THOP1: variants seen among roughly 807,000 people sequenced by gnomAD.
The protein encoded by THOP1 is thimet oligopeptidase 1.
Under a neutral mutation model 71.8 loss-of-function variants are expected in THOP1, and 49 were observed. That is an observed-to-expected ratio of 0.68 (90% CI 0.54 to 0.87). THOP1 has a LOEUF of 0.87. Among genes scored for constraint, THOP1 ranks in the 40% least tolerant of loss-of-function variants. The pLI, the probability that THOP1 is intolerant of heterozygous loss-of-function variation, is 0.00. For synonymous variants in THOP1, 426 were observed against 421.5 expected, an observed-to-expected ratio of 1.01 and a Z score of -0.13; for missense variants, 843 against 975.6, an observed-to-expected ratio of 0.86 and a Z score of 1.81.
chr19:2,815,600 CGGGGGCTTTGATCACAGGGA>C lies in THOP1; in HGVS notation c.*2332_*2351del, dbSNP rs1916584156. The C allele has an allele frequency of 6.6e-6, 1 of 152,542 alleles. No homozygotes were observed. The highest frequency in any genetic ancestry group is 1.5e-5 in the Non-Finnish European group (1 of 68,342). The allele number at this position is 152,542 out of a possible 1,614,324, so 9.4% of individuals were successfully genotyped here. A position where few individuals can be genotyped will look rare whatever the true frequency, so the allele number is the denominator to read the frequency against. On this transcript the variant is annotated 3_prime_UTR_variant, in exon 13 of 13. Transcript: ENST00000307741. ...TTTCCCCAAACACTCCAGGACAGAGCGGGGGCTTTGATCACAGGGAGGGGGCTGCAGAGCTGCTGTGTCTC... is the reference window on the plus strand; with the variant it reads ...TTTCCCCAAACACTCCAGGACAGAGCGGGGGCTGCAGAGCTGCTGTGTCTC...
intron 4 of THOP1, among the ~76,000 whole-genome samples, chr19:2,797,420 C>A (rs542540753): frequency 3.3e-4 from 50 of 152,302 alleles, no homozygotes; most frequent in African/African-American, 1.2e-3. Context: ...CAGTAGAAAC[C>A]GTGCTTGGAA....
At position 2,810,969 on chromosome 19, in the gene THOP1, G is replaced by A. The variant is rs1437947714; in HGVS notation, c.1771+201G>A. On this transcript the variant is annotated intron_variant, in intron 11 of 12. Coordinates refer to ENST00000307741, the MANE Select transcript of THOP1 (RefSeq NM_003249.5). The stretch of plus-strand genomic sequence containing the variant: ...GGCCCAGGGTCGGGGACGGGTGTGC[G>A]GCCCCAGCCCCCAGGAGGAGTGTGT... Among the ~76,000 whole-genome samples the A allele has an allele frequency of 3.3e-5, 5 of 152,336 alleles. No individual in the cohort carries two copies. The South Asian group carries it at 8.3e-4, about 25-fold the overall frequency.
At chr19:2,810,880 C>T in intron 11 of THOP1, 112 bp downstream of exon 11, 1 of 1,448,948 alleles carries the variant, frequency 6.9e-7, no homozygotes, top group Non-Finnish European at 9.1e-7. Context: ...GGAGTCCCTG[C>T]TGGGGAGCCA....
Position 2,812,689 on chromosome 19 carries a change from C to T in THOP1, c.1909-426C>T, listed in dbSNP as rs373644478. Among the ~76,000 whole-genome samples, 13 of 152,312 alleles carry T rather than the reference C, an allele frequency of 8.5e-5. No individual in the cohort carries two copies. The South Asian group carries it at 1.7e-3, about 19-fold the overall frequency. On this transcript the variant is annotated intron_variant, in intron 12 of 12. Transcript: ENST00000307741. ...TCGGGGTCTCCTTGGTGGCTGGCACCGGCGCCTCGCAGTCTCATCTGCCTC... is the reference window on the plus strand; with the variant it reads ...TCGGGGTCTCCTTGGTGGCTGGCACTGGCGCCTCGCAGTCTCATCTGCCTC...
At position 2,793,360 on chromosome 19, in the gene THOP1, G is replaced by A. The variant is rs928125175; in HGVS notation, c.230-1404G>A. On this transcript the variant is annotated intron_variant, in intron 2 of 12. Coordinates refer to ENST00000307741, the MANE Select transcript of THOP1 (RefSeq NM_003249.5). ...CCCTGGCACCCACGCGTCCCCTCCTGTCTCTGTGGATGGGCCTGTCCTGGA... is the reference window on the plus strand; with the variant it reads ...CCCTGGCACCCACGCGTCCCCTCCTATCTCTGTGGATGGGCCTGTCCTGGA... Among the ~76,000 whole-genome samples the A allele has an allele frequency of 1.5e-4, 23 of 152,048 alleles. 1 individual carries two copies. Among genetic ancestry groups the A allele is most frequent in the Admixed American group, 7.2e-4 (11 of 15,262 alleles).
intron 4 of THOP1, among the ~76,000 whole-genome samples, chr19:2,798,100 C>G (rs1285331296): frequency 6.6e-6 from 1 of 152,178 alleles, no homozygotes; most frequent in African/African-American, 2.4e-5. Flanking sequence ...GTGATCTCAG[C>G]TCGCTGCAAC....
intron 2 of THOP1, among the ~76,000 whole-genome samples, chr19:2,793,278 C>A (rs1208209782): frequency 7.2e-5 from 11 of 152,184 alleles, no homozygotes; most frequent in Admixed American, 7.2e-4. Flanking sequence ...ATTTTCATAA[C>A]CCCAGAGAGA....
At chr19:2,812,980 C>T (rs1432767114) in intron 12 of THOP1, 135 bp from the exon 13 acceptor site, 16 of 1,009,790 alleles carry the variant, frequency 1.6e-5, no homozygotes, top group South Asian at 6.9e-5. Context: ...CTGATGCAGG[C>T]GGCCCCCGGG....
intron 5 of THOP1, 91 bp downstream of exon 5, chr19:2,799,882 T>C: frequency 8.4e-7 from 1 of 1,195,340 alleles, no homozygotes; most frequent in South Asian, 1.3e-5. Context: ...CTTCCTCCTG[T>C]GGGCTTCTGT....
chr19:2,807,113 G>A, intron 7 of THOP1, 61 bp downstream of exon 7: 4 of 1,529,376 alleles, frequency 2.6e-6, no homozygotes, highest in Middle Eastern at 1.7e-4. Flanking sequence ...GGTCACCCCA[G>A]GGGACAGTCG....
intron 1 of THOP1, among the ~76,000 whole-genome samples, chr19:2,786,697 G>A (rs1915750132): frequency 6.6e-6 from 1 of 151,474 alleles, no homozygotes; most frequent in Non-Finnish European, 1.5e-5. Flanking sequence ...CGCCTCCCGG[G>A]TTCAAGCTAT....
At chr19:2,808,093 C>T (rs1014485399) in intron 8 of THOP1, 150 bp from the exon 9 acceptor site, 45 of 970,346 alleles carry the variant, frequency 4.6e-5, no homozygotes, top group Non-Finnish European at 5.8e-5. Flanking sequence ...TGCTGCCCTG[C>T]GCCAAGCCAC....
chr19:2,787,186 A>G (rs1038187604), intron 1 of THOP1, among the ~76,000 whole-genome samples: 3 of 152,178 alleles, frequency 2.0e-5, no homozygotes, highest in Non-Finnish European at 4.4e-5. Flanking sequence ...GGCATGAGCC[A>G]CCGTGCCCGG....
At chr19:2,811,075 A>T (rs1422582265) in intron 11 of THOP1, among the ~76,000 whole-genome samples, 1 of 152,202 alleles carries the variant, frequency 6.6e-6, no homozygotes, top group Non-Finnish European at 1.5e-5. Context: ...AAGCCTGGAG[A>T]AGTACAGGAA....
At chr19:2,792,224 G>A (rs1915901649) in intron 2 of THOP1, among the ~76,000 whole-genome samples, 1 of 152,202 alleles carries the variant, frequency 6.6e-6, no homozygotes. Context: ...CCCACTACAG[G>A]CTTTTTTGTT....
Position 2,785,545 on chromosome 19 carries a change from G to A in THOP1, c.-118G>A, listed in dbSNP as rs988717160. ...CGGGCGGCGGGCCCCTTGGTCCTCA[G>A]GCGGCCGTGGCGGCGGTGGCGGCGG... On this transcript the variant is annotated 5_prime_UTR_variant, in exon 1 of 13. Transcript: ENST00000307741. 7.9e-7 allele frequency: 1 copy of A among 1,262,744 alleles called. No individual in the cohort carries two copies. The highest frequency in any genetic ancestry group is 1.0e-6 in the Non-Finnish European group (1 of 956,932). The allele number at this position is 1,262,744 out of a possible 1,614,324, so 78.2% of individuals were successfully genotyped here.
intron 4 of THOP1, among the ~76,000 whole-genome samples, chr19:2,798,594 A>G (rs1916073187): frequency 6.6e-6 from 1 of 152,220 alleles, no homozygotes; most frequent in Non-Finnish European, 1.5e-5. Flanking sequence ...GTTATGTGAG[A>G]TGGCAAGAGG....
intron 5 of THOP1, among the ~76,000 whole-genome samples, chr19:2,803,158 C>T (rs888356853): frequency 9.9e-5 from 15 of 152,232 alleles, no homozygotes; most frequent in Admixed American, 6.5e-4. Context: ...GGAGACCTGG[C>T]GCCTTTGAGT....
At chr19:2,796,647 G>A (rs1279105492) in intron 4 of THOP1, among the ~76,000 whole-genome samples, 3 of 150,070 alleles carry the variant, frequency 2.0e-5, no homozygotes, top group Admixed American at 6.6e-5. Context: ...GCTCAGTTGC[G>A]GGGAGTGCTG....
Sources: allele counts gnomAD v4.1 joint callset (sites outside exome capture counted in the v4.1 genomes callset), GRCh38; gene constraint gnomAD v4.1.1; transcripts MANE v1.5; gene names NCBI Gene and HGNC (gene_info 2026-07-23, HGNC 2026-07-21).